DLG1: variants seen among roughly 807,000 people sequenced by gnomAD.
The protein encoded by DLG1 is discs large MAGUK scaffold protein 1.
A neutral mutation model predicts 123.4 loss-of-function variants in DLG1; 42 were observed. That is an observed-to-expected ratio of 0.34 (90% CI 0.27 to 0.44). The LOEUF (loss-of-function observed/expected upper bound fraction) is 0.44. Among genes scored for constraint, DLG1 ranks in the 20% least tolerant of loss-of-function variants. DLG1 has a pLI of 1.00. For synonymous variants in DLG1, 317 were observed against 356.2 expected, an observed-to-expected ratio of 0.89 and a Z score of 1.24; for missense variants, 942 against 1,082.6, an observed-to-expected ratio of 0.87 and a Z score of 1.82.
intron 4 of DLG1, among the ~76,000 whole-genome samples, chr3:197,228,250 T>C (rs1302426536): frequency 2.0e-5 from 3 of 152,352 alleles, no homozygotes; most frequent in Admixed American, 2.0e-4. Context: ...TCATTGATCA[T>C]GTAGGTTGTA....
intron 4 of DLG1, among the ~76,000 whole-genome samples, chr3:197,245,867 T>G (rs1274756400): frequency 7.7e-6 from 1 of 130,506 alleles, no homozygotes; most frequent in Non-Finnish European, 1.6e-5. Context: ...TTTTTTTTGA[T>G]GTCCTGGGAC....
intron 4 of DLG1, among the ~76,000 whole-genome samples, chr3:197,254,588 T>C (rs1300472459): frequency 6.6e-6 from 1 of 152,188 alleles, no homozygotes; most frequent in African/African-American, 2.4e-5. Flanking sequence ...GAACCACAGA[T>C]GTTAGAACTA....
chr3:197,059,900 C>T lies in DLG1; in HGVS notation c.2472G>A (p.Met824Ile), dbSNP rs377083623. The T allele has an allele frequency of 1.4e-4, 230 of 1,611,126 alleles. No homozygotes were observed. The highest frequency in any genetic ancestry group is 1.8e-4 in the Non-Finnish European group (215 of 1,177,870). ...GCATTTACACTTACATGATATTTTC[C>T]ATGGATTTGGGTTTAATAAAAATGG... ...PISIFIKPKS[M>I]ENIMEMNKRL... The change falls in exon 23 of 25, where the codon ATG becomes ATA. Residue 824 changes from methionine (M) to isoleucine (I), a missense_variant. Coordinates refer to ENST00000667157, the MANE Select transcript of DLG1 (RefSeq NM_001366207.1).
chr3:197,233,056 T>G (rs1045585657), intron 4 of DLG1, among the ~76,000 whole-genome samples: 2 of 152,038 alleles, frequency 1.3e-5, no homozygotes, highest in Non-Finnish European at 2.9e-5. Context: ...TTACAAAATA[T>G]GTAGAAAATC....
At chr3:197,259,974 G>A (rs1758623424) in intron 4 of DLG1, among the ~76,000 whole-genome samples, 1 of 152,206 alleles carries the variant, frequency 6.6e-6, no homozygotes. Flanking sequence ...AGAATACACT[G>A]AGAAGATTTA....
At chr3:197,152,945 C>T (rs953975002) in intron 5 of DLG1, among the ~76,000 whole-genome samples, 2 of 152,028 alleles carry the variant, frequency 1.3e-5, no homozygotes, top group African/African-American at 4.8e-5. Flanking sequence ...AAAATACATT[C>T]TAAGATCCAA....
At chr3:197,113,064 T>C (rs1560759043) in intron 13 of DLG1, among the ~76,000 whole-genome samples, 1 of 152,224 alleles carries the variant, frequency 6.6e-6, no homozygotes, top group Non-Finnish European at 1.5e-5. Context: ...AATTAAATTT[T>C]ATGTCTGGAG....
chr3:197,231,068 A>C (rs1742719457), intron 4 of DLG1, among the ~76,000 whole-genome samples: 1 of 152,016 alleles, frequency 6.6e-6, no homozygotes, highest in African/African-American at 2.4e-5. Flanking sequence ...TAATTTCAAC[A>C]TTAGAAACTA....
intron 5 of DLG1, among the ~76,000 whole-genome samples, chr3:197,183,107 T>C (rs1419629880): frequency 1.3e-5 from 2 of 152,200 alleles, no homozygotes; most frequent in African/African-American, 4.8e-5. Context: ...TAGCCAATTA[T>C]ATTAAATTGA....
chr3:197,097,143 C>T (rs138270830), intron 14 of DLG1, among the ~76,000 whole-genome samples: 1 of 152,230 alleles, frequency 6.6e-6, no homozygotes, highest in African/African-American at 2.4e-5. Flanking sequence ...TTATTCCCAG[C>T]AGTTCTTCCT....
At chr3:197,200,087 C>CAAAAAAAAATT (rs1724815840) in intron 4 of DLG1, among the ~76,000 whole-genome samples, 1 of 152,126 alleles carries the variant, frequency 6.6e-6, no homozygotes, top group Non-Finnish European at 1.5e-5. Context: ...ATTACTACTT[C>CAAAAAAAAATT]ATTCCTGTTA....
intron 13 of DLG1, among the ~76,000 whole-genome samples, chr3:197,109,951 T>C (rs1415861510): frequency 2.0e-5 from 3 of 152,204 alleles, no homozygotes; most frequent in Non-Finnish European, 2.9e-5. Context: ...GACAGTTCGA[T>C]TGTAATGTGT....
intron 5 of DLG1, among the ~76,000 whole-genome samples, chr3:197,186,835 C>A (rs1716314370): frequency 6.6e-6 from 1 of 152,116 alleles, no homozygotes; most frequent in South Asian, 2.1e-4. Flanking sequence ...GCCTCAGCCA[C>A]CCACGTAGCT....
At chr3:197,076,002 G>A (rs1746999583) in intron 18 of DLG1, 1 of 557,008 alleles carries the variant, frequency 1.8e-6, no homozygotes, top group Non-Finnish European at 3.0e-6. Flanking sequence ...ATCTTACAGA[G>A]CATTTTTACA....
chr3:197,071,009 T>C (rs1269302423), intron 18 of DLG1: 1 of 152,234 alleles, frequency 6.6e-6, no homozygotes, highest in Non-Finnish European at 1.5e-5. Flanking sequence ...TTATTAGATA[T>C]TTTTATTTGC....
chr3:197,196,331 C>T (rs750878617), intron 4 of DLG1, among the ~76,000 whole-genome samples: 2 of 151,970 alleles, frequency 1.3e-5, no homozygotes, highest in African/African-American at 2.4e-5. Context: ...TTAGCTTATT[C>T]GATAGGATAT....
chr3:197,097,849 G>C (rs983484963), intron 14 of DLG1, among the ~76,000 whole-genome samples: 7 of 151,474 alleles, frequency 4.6e-5, no homozygotes, highest in African/African-American at 1.7e-4. Flanking sequence ...CAAAGTGCTG[G>C]AATTATAGGC....
At chr3:197,183,574 C>G in intron 5 of DLG1, 1 of 1,549,916 alleles carries the variant, frequency 6.5e-7, no homozygotes, top group Non-Finnish European at 8.7e-7. Flanking sequence ...TGGTATGTTA[C>G]CTGGGTGGAG....
At chr3:197,051,523 T>A in intron 24 of DLG1, 54 bp downstream of exon 24, 1 of 1,466,740 alleles carries the variant, frequency 6.8e-7, no homozygotes, top group Non-Finnish European at 9.5e-7. Context: ...TCGGTTCACA[T>A]GGCTTCAAAG....
Sources: allele counts gnomAD v4.1 joint callset (sites outside exome capture counted in the v4.1 genomes callset), GRCh38; gene constraint gnomAD v4.1.1; transcripts MANE v1.5; gene names NCBI Gene and HGNC (gene_info 2026-07-23, HGNC 2026-07-21).